The following LINGO2 variants were observed in gnomAD, a reference collection of about 807,000 sequenced individuals.
LINGO2 encodes the protein leucine-rich repeat and immunoglobulin-like domain-containing nogo receptor-interacting protein 2.
LINGO2 carries 14 observed loss-of-function variants against 30.6 expected under a neutral mutation model. That is an observed-to-expected ratio of 0.46 (90% CI 0.30 to 0.72). LINGO2 has a LOEUF of 0.72. LINGO2 is among the 30% of genes least tolerant of loss of function. The pLI is 0.07. For synonymous variants in LINGO2, 317 were observed against 288.5 expected (o/e 1.10, Z -1.00); for missense variants, 729 against 751.7 (o/e 0.97, Z 0.35).
At chr9:28,877,547 A>T in the LINGO2 span, among the ~76,000 whole-genome samples, 1 of 151,874 alleles carries the variant, frequency 6.6e-6, no homozygotes, top group Non-Finnish European at 1.5e-5. Context: ...GGTTTGTCAA[A>T]GATCAGATAG....
At chr9:28,403,159 G>C (rs1238615079) in intron 2 of LINGO2, among the ~76,000 whole-genome samples, 26 of 152,132 alleles carry the variant, frequency 1.7e-4, no homozygotes, top group Admixed American at 1.7e-3. Flanking sequence ...TGCTGCTCCA[G>C]ATTTGCCTCG....
At chr9:28,736,129 G>A in the LINGO2 span, among the ~76,000 whole-genome samples, 1 of 152,176 alleles carries the variant, frequency 6.6e-6, no homozygotes, top group Non-Finnish European at 1.5e-5. Context: ...GAACTCAACA[G>A]ACTCTTGGTT....
intron 1 of LINGO2, among the ~76,000 whole-genome samples, chr9:28,516,103 T>A (rs186235088): frequency 9.8e-5 from 15 of 152,306 alleles, no homozygotes; most frequent in African/African-American, 3.1e-4. Context: ...TATACATTTT[T>A]AAGGCATAAT....
intron 1 of LINGO2, among the ~76,000 whole-genome samples, chr9:28,588,686 T>A (rs1472774855): frequency 6.6e-6 from 1 of 152,050 alleles, no homozygotes; most frequent in Non-Finnish European, 1.5e-5. Context: ...GAGTCAAGGC[T>A]AGCATTTGGT....
rs1235211326 is a variant in LINGO2 at position 28,499,912 on chromosome 9, CA to C, written c.-364-23888del. 3.3e-5 allele frequency among the ~76,000 whole-genome samples: 5 copies of C among 152,112 alleles called. No individual in the cohort carries two copies. The East Asian group carries it at 9.7e-4, about 29-fold the overall frequency. ...CATAGTTGCACAGTCACACAAGCCA[CA>C]AAAAAATGTATGTCACCTCCTAGAA... On this transcript the variant is annotated intron_variant, in intron 1 of 5. Transcript: ENST00000379992.
At chr9:28,894,901 AAC>A in the LINGO2 span, among the ~76,000 whole-genome samples, 4 of 152,128 alleles carry the variant, frequency 2.6e-5, no homozygotes, top group African/African-American at 7.2e-5. Context: ...TCAAGAACAA[AAC>A]ACAGTTATTA....
At chr9:28,878,420 G>C in the LINGO2 span, among the ~76,000 whole-genome samples, 58,859 of 151,844 alleles carry the variant, frequency 0.39, 12,813 homozygotes, top group African/African-American at 0.6. Flanking sequence ...CAAGGAGGAA[G>C]AGGTACCATT....
At chr9:29,147,322 T>C in the LINGO2 span, among the ~76,000 whole-genome samples, 1 of 107,696 alleles carries the variant, frequency 9.3e-6, no homozygotes, top group Admixed American at 9.0e-5. Flanking sequence ...GGATTTATGA[T>C]TCTTGTTTTG....
At chr9:28,420,664 C>T (rs1823158269) in intron 2 of LINGO2, among the ~76,000 whole-genome samples, 1 of 152,010 alleles carries the variant, frequency 6.6e-6, no homozygotes, top group Non-Finnish European at 1.5e-5. Flanking sequence ...ACCATTTGTT[C>T]TCTATAAAAG....
the LINGO2 span, among the ~76,000 whole-genome samples, chr9:28,966,051 G>T: frequency 6.6e-6 from 1 of 152,158 alleles, no homozygotes; most frequent in Admixed American, 6.6e-5. Flanking sequence ...TCTATGGATA[G>T]AGAAAAATTT....
chr9:28,616,379 G>T (rs1166947357), intron 1 of LINGO2, among the ~76,000 whole-genome samples: 1 of 152,082 alleles, frequency 6.6e-6, no homozygotes, highest in East Asian at 1.9e-4. Flanking sequence ...AGTCCGTTTG[G>T]CTTTGAGCTA....
intron 4 of LINGO2, among the ~76,000 whole-genome samples, chr9:28,188,653 A>G (rs1457309243): frequency 1.3e-5 from 2 of 152,190 alleles, no homozygotes; most frequent in Non-Finnish European, 2.9e-5. Flanking sequence ...GAGATTTCCT[A>G]GACATTCTTA....
chr9:28,118,605 G>T (rs1274994974), intron 4 of LINGO2, among the ~76,000 whole-genome samples: 1 of 152,096 alleles, frequency 6.6e-6, no homozygotes, highest in African/African-American at 2.4e-5. Context: ...TTTTGGGAGA[G>T]TAGTAACTAA....
At chr9:28,506,411 TATATATATATACAC>T (rs1213019459) in intron 1 of LINGO2, among the ~76,000 whole-genome samples, 1,039 of 7,262 alleles carry the variant, frequency 0.14, 35 homozygotes, top group Middle Eastern at 0.5. Context: ...TATATATATA[TATATATATATACAC>T]ACACACACAC....
the LINGO2 span, among the ~76,000 whole-genome samples, chr9:29,034,600 AT>A: frequency 6.6e-6 from 1 of 152,214 alleles, no homozygotes; most frequent in African/African-American, 2.4e-5. Context: ...TATGACTATG[AT>A]TTTCACCATT....
At chr9:28,617,106 T>C (rs1826162939) in intron 1 of LINGO2, among the ~76,000 whole-genome samples, 1 of 152,142 alleles carries the variant, frequency 6.6e-6, no homozygotes. Context: ...AAATAAGTCC[T>C]ATTAATTATG....
intron 2 of LINGO2, among the ~76,000 whole-genome samples, chr9:28,475,468 T>C (rs1193945929): frequency 6.6e-6 from 1 of 152,168 alleles, no homozygotes; most frequent in African/African-American, 2.4e-5. Context: ...AAAACAAGGG[T>C]AATTATGACT....
chr9:28,614,356 G>A lies in LINGO2; in HGVS notation c.-365+55844C>T, dbSNP rs796939910. Among the ~76,000 whole-genome samples, 21 of 152,074 alleles carry A rather than the reference G, an allele frequency of 1.4e-4. 1 individual carries two copies. Among genetic ancestry groups the A allele is most frequent in the African/African-American group, 4.6e-4 (19 of 41,500 alleles). On this transcript the variant is annotated intron_variant, in intron 1 of 5. Transcript: ENST00000379992. The stretch of plus-strand genomic sequence containing the variant: ...TAGGCTTTTCATTAGTGAAAATAAC[G>A]AAAAATAACAAAGCTAAATCATTAT...
the LINGO2 span, among the ~76,000 whole-genome samples, chr9:29,045,558 A>G: frequency 2.0e-5 from 3 of 151,690 alleles, no homozygotes; most frequent in Admixed American, 1.3e-4. Context: ...AAAGGATTTG[A>G]TAAGATCCAA....
Sources: gnomAD v4.1 joint callset for allele counts (sites outside exome capture counted in the v4.1 genomes callset) on GRCh38, gnomAD v4.1.1 for gene constraint, MANE v1.5 for transcripts, NCBI Gene and HGNC (gene_info 2026-07-23, HGNC 2026-07-21) for gene names.